Variants in MRPL44 observed in about 807,000 individuals in gnomAD.
The protein encoded by MRPL44 is mitochondrial ribosomal protein L44, also known as large ribosomal subunit protein mL44.
A neutral mutation model predicts 25.9 loss-of-function variants in MRPL44; 21 were observed. The observed-to-expected ratio is 0.81, with a 90% confidence interval of 0.58 to 1.17. The LOEUF is 1.17. Ranked by LOEUF, MRPL44 falls within the 50% of genes most tolerant of loss-of-function variation. MRPL44 has a pLI of 0.00. For missense variants in MRPL44, 410 were observed against 398.9 expected, an observed-to-expected ratio of 1.03 and a Z score of -0.24; for synonymous variants, 169 against 151.0, an observed-to-expected ratio of 1.12 and a Z score of -0.87.
At chr2:223,959,040 G>C (rs962909349) in intron 1 of MRPL44, among the ~76,000 whole-genome samples, 23 of 152,182 alleles carry the variant, frequency 1.5e-4, no homozygotes, top group African/African-American at 5.3e-4. Flanking sequence ...AAGTGTGCCT[G>C]TACTACACCA....
chr2:223,951,967 G>C, the MRPL44 span, among the ~76,000 whole-genome samples: 3 of 152,204 alleles, frequency 2.0e-5, no homozygotes, highest in African/African-American at 7.2e-5. Flanking sequence ...TTTGGATGAA[G>C]TAAGGTATGT....
At chr2:223,954,376 C>T (rs1269846564), upstream of MRPL44, among the ~76,000 whole-genome samples, 6 of 152,218 alleles carry the variant, frequency 3.9e-5, no homozygotes, top group Non-Finnish European at 8.8e-5. Flanking sequence ...TAACAAATTA[C>T]TCCAGAACTT....
chr2:223,963,819 A>G lies in MRPL44; in HGVS notation c.712A>G (p.Met238Val), dbSNP rs1474595775. 2 of 1,613,630 alleles carry G rather than the reference A, an allele frequency of 1.2e-6. No individual in the cohort carries two copies. The highest frequency in any genetic ancestry group is 1.7e-6 in the Non-Finnish European group (2 of 1,179,808). ...LFEMWKIINP[M>V]GLLVEELKKR... The stretch of plus-strand genomic sequence containing the variant: ...TGAGATGTGGAAGATAATAAATCCC[A>G]TGGGGCTATTGGTAGAAGAACTGAA... Residue 238 changes from methionine to valine, a missense_variant, in exon 3 of 4, where the codon ATG (methionine) becomes GTG (valine). By Grantham distance (21) the Met-to-Val change is conservative (BLOSUM62 1). Coordinates refer to ENST00000258383, the MANE Select transcript of MRPL44 (RefSeq NM_022915.5).
At chr2:223,961,834 C>A (rs189126937) in intron 2 of MRPL44, among the ~76,000 whole-genome samples, 68 of 152,262 alleles carry the variant, frequency 4.5e-4, no homozygotes, top group Non-Finnish European at 2.9e-5. Context: ...AGAAGGTAAT[C>A]ACTTAAGAAA....
chr2:223,956,921 G>T (rs1371932938), upstream of MRPL44, among the ~76,000 whole-genome samples: 3 of 152,230 alleles, frequency 2.0e-5, no homozygotes, highest in Admixed American at 6.5e-5. Flanking sequence ...TGTACTATTA[G>T]ATTGCTTTTA....
chr2:223,960,007 G>A lies in MRPL44; in HGVS notation c.648+5G>A, dbSNP rs139765095. On this transcript the variant is annotated splice_donor_5th_base_variant and intron_variant, in intron 2 of 3. Coordinates refer to ENST00000258383, the MANE Select transcript of MRPL44 (RefSeq NM_022915.5). ...AGGACTGCACTTTTCATCAGGGTAC[G>A]TAACTATTAATTGGACATGCTTGAG... The A allele has an allele frequency of 6.9e-6, 11 of 1,587,378 alleles. No homozygotes were observed. The East Asian group carries it at 9.0e-5, about 13-fold the overall frequency.
chr2:223,958,199 C>G (rs1689601406), intron 1 of MRPL44, among the ~76,000 whole-genome samples: 2 of 152,114 alleles, frequency 1.3e-5, no homozygotes, highest in Admixed American at 1.3e-4. Flanking sequence ...CTTCATCTTG[C>G]TTTTTCTCTT....
At chr2:223,957,944 T>C (rs1472836577) in intron 1 of MRPL44, among the ~76,000 whole-genome samples, 1 of 152,140 alleles carries the variant, frequency 6.6e-6, no homozygotes. Flanking sequence ...TGGACTTGGA[T>C]GTTGTAGTCC....
chr2:223,957,552 C>A lies in MRPL44; in HGVS notation c.80C>A (p.Pro27Gln). 1 of 1,614,012 alleles carries A rather than the reference C, an allele frequency of 6.2e-7. No individual in the cohort carries two copies. The highest frequency in any genetic ancestry group is 2.2e-5 in the East Asian group (1 of 44,880). ...CCAGTCGCCCCCAAGCTGGTCCCTC[C>A]GGTTCGGGGAGTGAAGAAGGGATTC... is the stretch of plus-strand genomic sequence containing the variant. ...LAPVAPKLVP[P>Q]VRGVKKGFRA... Residue 27 changes from proline to glutamine, a missense_variant, in exon 1 of 4, where the codon CCG (proline) becomes CAG (glutamine). Coordinates refer to ENST00000258383, the MANE Select transcript of MRPL44 (RefSeq NM_022915.5).
rs746097524 is a variant in MRPL44, at chr2:223,960,103, C to T, written c.648+101C>T. The T allele has an allele frequency of 4.5e-4, 454 of 1,003,386 alleles. 1 individual carries two copies. Among genetic ancestry groups the T allele is most frequent in the Middle Eastern group, 6.1e-4 (2 of 3,278 alleles). 62.2% of individuals were successfully genotyped at this position (1,003,386 alleles called of 1,614,324 possible). On this transcript the variant is annotated intron_variant, in intron 2 of 3. Transcript: ENST00000258383. ...TATCACCTTGGAAGTGAATTTTTCT[C>T]CCAAGAAAAACTGAGAAAGACCTAA... is the stretch of plus-strand genomic sequence containing the variant.
intron 3 of MRPL44, among the ~76,000 whole-genome samples, chr2:223,964,268 A>T (rs923021409): frequency 6.6e-6 from 1 of 152,120 alleles, no homozygotes; most frequent in Admixed American, 6.5e-5. Flanking sequence ...CGTGTTAGAG[A>T]TTCAACCTTA....
chr2:223,966,747 A>G (rs1482866821), intron 3 of MRPL44, 116 bp from the exon 4 acceptor site: 2 of 842,022 alleles, frequency 2.4e-6, no homozygotes, highest in African/African-American at 3.4e-5. Flanking sequence ...CTATTGTGTT[A>G]CTTCTAATGG....
chr2:223,953,262 G>A (rs577732493), upstream of MRPL44, among the ~76,000 whole-genome samples: 2 of 151,718 alleles, frequency 1.3e-5, no homozygotes, highest in East Asian at 1.9e-4. Context: ...AGCCTCTCGA[G>A]TAGCTGGGAC....
rs138134784 is a variant in MRPL44 at position 223,957,620 on chromosome 2, C to T, written c.148C>T (p.Leu50Phe). The change falls in exon 1 of 4, where the codon CTT becomes TTT. Residue 50 changes from leucine (L) to phenylalanine (F), a missense_variant. Physicochemically the swap from Leu to Phe is conservative, Grantham distance 22. Transcript: ENST00000258383. ...RFQKELERQR[L>F]LRCPPPPVRR... ...CCAGAAGGAGTTAGAGCGGCAGCGC[C>T]TTCTGCGGTGCCCGCCGCCGCCCGT... The T allele has an allele frequency of 1.2e-5, 19 of 1,610,892 alleles. No homozygotes were observed. In the African/African-American group the frequency reaches 2.3e-4, roughly 19 times the overall value.
chr2:223,952,999 G>A (rs948215225), upstream of MRPL44, among the ~76,000 whole-genome samples: 14 of 151,868 alleles, frequency 9.2e-5, no homozygotes, highest in African/African-American at 2.4e-4. Flanking sequence ...AGAATATGAC[G>A]TTACATATGT....
At chr2:223,957,407 G>C, upstream of MRPL44, 1 of 1,589,870 alleles carries the variant, frequency 6.3e-7, no homozygotes, top group Admixed American at 1.7e-5. Flanking sequence ...GGTTCCGGGG[G>C]AAGTGTGTTA....
chr2:223,957,764 T>G, intron 1 of MRPL44, 113 bp downstream of exon 1: 3 of 1,240,642 alleles, frequency 2.4e-6, no homozygotes, highest in Non-Finnish European at 3.3e-6. Flanking sequence ...TTAGGAAGTT[T>G]GCGATGGAGA....
At chr2:223,959,373 T>G (rs1689620142) in intron 1 of MRPL44, among the ~76,000 whole-genome samples, 161 bp from the exon 2 acceptor site, 1 of 152,222 alleles carries the variant, frequency 6.6e-6, no homozygotes, top group Non-Finnish European at 1.5e-5. Context: ...TTTATCTGAC[T>G]TTAGTCTTAA....
At position 223,967,176 on chromosome 2, in the gene MRPL44, G is replaced by A. The variant is rs1689755713; in HGVS notation, c.*142G>A. ...ACTGTGTTCCCAAAATTAAATAAGT[G>A]TTAACCAAGTCACAGTGTTTTTGGT... On this transcript the variant is annotated 3_prime_UTR_variant, in exon 4 of 4. Coordinates refer to ENST00000258383, the MANE Select transcript of MRPL44 (RefSeq NM_022915.5). 1.3e-6 allele frequency: 1 copy of A among 765,154 alleles called. No individual in the cohort carries two copies. Among genetic ancestry groups the A allele is most frequent in the South Asian group, 2.5e-5 (1 of 40,790 alleles). The allele number at this position is 765,154 out of a possible 1,614,324, so 47.4% of individuals were successfully genotyped here. A position where few individuals can be genotyped will look rare whatever the true frequency, so the allele number is the denominator to read the frequency against.
Sources: allele counts gnomAD v4.1 joint callset (sites outside exome capture counted in the v4.1 genomes callset), GRCh38; gene constraint gnomAD v4.1.1; transcripts MANE v1.5; gene names NCBI Gene and HGNC (gene_info 2026-07-23, HGNC 2026-07-21).